RBM20: variants seen among roughly 807,000 people sequenced by gnomAD.
RBM20 encodes the protein RNA-binding protein 20.
Under a neutral mutation model 110.1 loss-of-function variants are expected in RBM20, and 51 were observed. The ratio of observed to expected loss-of-function variants is 0.46; its 90% CI spans 0.37 to 0.59. RBM20 has a LOEUF of 0.59. Among genes scored for constraint, RBM20 ranks in the 20% least tolerant of loss-of-function variants. The pLI is 0.00. For missense variants in RBM20, 1,512 were observed against 1,574.9 expected, an observed-to-expected ratio of 0.96 and a Z score of 0.68; for synonymous variants, 589 against 618.2, an observed-to-expected ratio of 0.95 and a Z score of 0.70.
At chr10:110,719,742 C>A (rs907869783) in intron 1 of RBM20, among the ~76,000 whole-genome samples, 6 of 152,016 alleles carry the variant, frequency 3.9e-5, no homozygotes, top group African/African-American at 1.5e-4. Context: ...GAGATTTCAT[C>A]CAGTATTGTC....
chr10:110,694,797 C>A (rs965046718), intron 1 of RBM20, among the ~76,000 whole-genome samples: 26 of 152,166 alleles, frequency 1.7e-4, no homozygotes, highest in African/African-American at 6.3e-4. Context: ...AATCAGACAC[C>A]ACAAGGAGCT....
intron 1 of RBM20, among the ~76,000 whole-genome samples, chr10:110,765,879 G>A (rs1266376305): frequency 6.6e-6 from 1 of 152,076 alleles, no homozygotes; most frequent in Non-Finnish European, 1.5e-5. Flanking sequence ...AAAACTGAAG[G>A]GGAGAGGGTT....
At chr10:110,789,343 A>T (rs1022682920) in intron 5 of RBM20, among the ~76,000 whole-genome samples, 3 of 152,046 alleles carry the variant, frequency 2.0e-5, no homozygotes, top group African/African-American at 7.2e-5. Flanking sequence ...ACTTGGCTGC[A>T]TTTAAACTTC....
chr10:110,717,549 G>A (rs776693467), intron 1 of RBM20, among the ~76,000 whole-genome samples: 3 of 152,224 alleles, frequency 2.0e-5, no homozygotes, highest in Non-Finnish European at 2.9e-5. Flanking sequence ...TGAACTGAGT[G>A]TGAGGTGGAG....
chr10:110,699,713 G>T (rs1027699822), intron 1 of RBM20, among the ~76,000 whole-genome samples: 1 of 152,028 alleles, frequency 6.6e-6, no homozygotes, highest in Non-Finnish European at 1.5e-5. Context: ...ACCCTCAGTG[G>T]ATACCTGAAA....
At chr10:110,741,714 GC>G (rs1490245549) in intron 1 of RBM20, among the ~76,000 whole-genome samples, 2 of 152,042 alleles carry the variant, frequency 1.3e-5, no homozygotes, top group Non-Finnish European at 2.9e-5. Flanking sequence ...CCTGAGGGCT[GC>G]CCCCTGCCCC....
At chr10:110,705,396 A>G (rs1547784) in intron 1 of RBM20, among the ~76,000 whole-genome samples, 18,544 of 152,266 alleles carry the variant, frequency 0.12, 1,232 homozygotes, top group African/African-American at 0.13. Context: ...CTGAATTAGC[A>G]TCTGATTTTT....
chr10:110,804,376 TG>T (rs967974813), intron 7 of RBM20, among the ~76,000 whole-genome samples: 1 of 152,300 alleles, frequency 6.6e-6, no homozygotes, highest in African/African-American at 2.4e-5. Flanking sequence ...TGTGTGTCTC[TG>T]GGCCAAAGGG....
At chr10:110,804,210 C>A (rs1844667691) in intron 7 of RBM20, among the ~76,000 whole-genome samples, 2 of 152,210 alleles carry the variant, frequency 1.3e-5, no homozygotes, top group South Asian at 2.1e-4. Context: ...CAGGGCTAGG[C>A]CATGCTGTGA....
At chr10:110,689,047 A>G (rs1862547518) in intron 1 of RBM20, among the ~76,000 whole-genome samples, 1 of 151,892 alleles carries the variant, frequency 6.6e-6, no homozygotes, top group Non-Finnish European at 1.5e-5. Context: ...TAAACTTTGT[A>G]TTTTGAAATA....
At chr10:110,700,052 C>T (rs4918566) in intron 1 of RBM20, among the ~76,000 whole-genome samples, 105,501 of 152,090 alleles carry the variant, frequency 0.69, 37,097 homozygotes, top group East Asian at 1. Context: ...TTAAAACTTA[C>T]GAATTATTTA....
At chr10:110,703,705 A>T (rs964334594) in intron 1 of RBM20, among the ~76,000 whole-genome samples, 2 of 152,232 alleles carry the variant, frequency 1.3e-5, no homozygotes, top group Non-Finnish European at 2.9e-5. Context: ...CATCACAAGG[A>T]TCTCTTGCTT....
chr10:110,670,855 T>C (rs1416274145), intron 1 of RBM20, among the ~76,000 whole-genome samples: 1 of 152,220 alleles, frequency 6.6e-6, no homozygotes, highest in East Asian at 1.9e-4. Context: ...GATTGTTATT[T>C]TTCTCTTTTG....
chr10:110,700,265 G>C (rs1862738044), intron 1 of RBM20, among the ~76,000 whole-genome samples: 1 of 152,150 alleles, frequency 6.6e-6, no homozygotes, highest in Admixed American at 6.5e-5. Context: ...ACCAGACAAG[G>C]TTGGCTGGGT....
intron 7 of RBM20, 59 bp downstream of exon 7, chr10:110,799,977 G>T: frequency 6.7e-7 from 1 of 1,489,312 alleles, no homozygotes; most frequent in Admixed American, 2.0e-5. Context: ...TTTCTCCTCC[G>T]TGTTAGGCAC....
intron 9 of RBM20, among the ~76,000 whole-genome samples, chr10:110,818,874 G>T (rs1844875059): frequency 6.6e-6 from 1 of 152,232 alleles, no homozygotes; most frequent in Non-Finnish European, 1.5e-5. Context: ...GGTATTTGTA[G>T]TTGCTTTATA....
chr10:110,779,833 A>G (rs1323883046), intron 1 of RBM20, among the ~76,000 whole-genome samples: 1 of 152,218 alleles, frequency 6.6e-6, no homozygotes, highest in African/African-American at 2.4e-5. Context: ...TCAGACAGGA[A>G]GACAATTCAT....
intron 7 of RBM20, among the ~76,000 whole-genome samples, chr10:110,801,838 C>G (rs1292596265): frequency 6.6e-6 from 1 of 151,900 alleles, no homozygotes; most frequent in Non-Finnish European, 1.5e-5. Flanking sequence ...AACCACCGTG[C>G]CTGGCCAGTT....
At chr10:110,645,789 G>C (rs949024821) in intron 1 of RBM20, among the ~76,000 whole-genome samples, 2 of 151,076 alleles carry the variant, frequency 1.3e-5, no homozygotes, top group Non-Finnish European at 3.0e-5. Flanking sequence ...GGTTCCCTAT[G>C]TTGACTGGTG....
Sources: allele counts gnomAD v4.1 joint callset (sites outside exome capture counted in the v4.1 genomes callset), GRCh38; gene constraint gnomAD v4.1.1; transcripts MANE v1.5; gene names NCBI Gene and HGNC (gene_info 2026-07-23, HGNC 2026-07-21).